The following ADCY8 variants were observed in gnomAD, a reference collection of about 807,000 sequenced individuals.
ADCY8 encodes the protein adenylate cyclase type 8.
In ADCY8, 51 loss-of-function variants were observed where a neutral mutation model predicts 119.7. The observed-to-expected ratio is 0.43, with a 90% CI of 0.34 to 0.54. The LOEUF (loss-of-function observed/expected upper bound fraction) is 0.54, where lower values mean the gene tolerates loss of function less well. ADCY8 is among the 20% of genes least tolerant of loss of function. The probability of loss-of-function intolerance (pLI) is 0.03; values close to 1 mark genes in which losing one functional copy is unlikely to be tolerated. For missense variants in ADCY8, 1,383 were observed against 1,598.8 expected (o/e 0.87, Z 2.30); for synonymous variants, 665 against 651.0 (o/e 1.02, Z -0.33).
chr8:130,859,373 C>T (rs959738348), intron 9 of ADCY8, among the ~76,000 whole-genome samples: 3 of 152,202 alleles, frequency 2.0e-5, no homozygotes, highest in Non-Finnish European at 4.4e-5. Flanking sequence ...CATCTGCCAT[C>T]CACTTACACA....
intron 4 of ADCY8, among the ~76,000 whole-genome samples, chr8:130,938,859 A>G (rs917406951): frequency 2.6e-5 from 4 of 152,272 alleles, no homozygotes; most frequent in East Asian, 1.9e-4. Context: ...GCTCCTGTCT[A>G]TTGGCTGCTT....
chr8:130,848,847 C>T (rs372879895), intron 10 of ADCY8, among the ~76,000 whole-genome samples: 5 of 152,166 alleles, frequency 3.3e-5, no homozygotes, highest in East Asian at 1.9e-4. Context: ...GAAACCATGA[C>T]AATGTGGGTC....
At chr8:130,891,823 T>C (rs1268897398) in intron 7 of ADCY8, among the ~76,000 whole-genome samples, 1 of 151,998 alleles carries the variant, frequency 6.6e-6, no homozygotes, top group Non-Finnish European at 1.5e-5. Flanking sequence ...CTTATGGGAG[T>C]GGAGGTGCTA....
At chr8:130,919,960 A>G (rs1176328447) in intron 5 of ADCY8, among the ~76,000 whole-genome samples, 1 of 151,926 alleles carries the variant, frequency 6.6e-6, no homozygotes, top group Admixed American at 6.6e-5. Flanking sequence ...TCAGGAAGAA[A>G]CTGAGATTCA....
chr8:130,872,319 TAAAG>T (rs2130414060), intron 8 of ADCY8, among the ~76,000 whole-genome samples: 1 of 152,318 alleles, frequency 6.6e-6, no homozygotes, highest in East Asian at 1.9e-4. Context: ...ACTTTGTAGA[TAAAG>T]AAACTGAGGG....
intron 14 of ADCY8, among the ~76,000 whole-genome samples, chr8:130,810,347 T>TCCACACACACAC: frequency 7.0e-6 from 1 of 142,654 alleles, no homozygotes; most frequent in Non-Finnish European, 1.5e-5. Flanking sequence ...TCTCTTTTTC[T>TCCACACACACAC]ACACACACAC....
At position 130,951,776 on chromosome 8, in the gene ADCY8, T is replaced by C. The variant is rs1313286732; in HGVS notation, c.1241+92A>G. On this transcript the variant is annotated intron_variant, in intron 3 of 17. Transcript: ENST00000286355. ...AACCAGATGAGGAAAGGTGCTGACATTCAAGCAGACGGAAGTCACGGAAGT... is the reference window on the plus strand; with the variant it reads ...AACCAGATGAGGAAAGGTGCTGACACTCAAGCAGACGGAAGTCACGGAAGT... 1.2e-5 allele frequency: 18 copies of C among 1,514,312 alleles called. No homozygotes were observed. The Admixed American group carries it at 1.3e-4, about 11-fold the overall frequency. 93.8% of individuals were successfully genotyped at this position (1,514,312 alleles called of 1,614,324 possible).
intron 5 of ADCY8, among the ~76,000 whole-genome samples, chr8:130,920,251 C>T (rs1820260058): frequency 6.6e-6 from 1 of 151,924 alleles, no homozygotes; most frequent in Non-Finnish European, 1.5e-5. Context: ...GGCCTCTTCC[C>T]AGAAGTGTCA....
intron 5 of ADCY8, among the ~76,000 whole-genome samples, chr8:130,910,819 G>T (rs1192699975): frequency 1.3e-5 from 2 of 152,208 alleles, no homozygotes; most frequent in South Asian, 2.1e-4. Context: ...CTGTAGTCAT[G>T]AGCGTTCTTT....
chr8:130,918,505 T>A (rs1820198274), intron 5 of ADCY8, among the ~76,000 whole-genome samples: 7 of 152,206 alleles, frequency 4.6e-5, no homozygotes. Context: ...GAGTAAAACC[T>A]ATTTTTTTAA....
intron 14 of ADCY8, among the ~76,000 whole-genome samples, chr8:130,803,249 T>C (rs1815838611): frequency 6.6e-6 from 1 of 152,222 alleles, no homozygotes; most frequent in South Asian, 2.1e-4. Flanking sequence ...TCTTGTTTTC[T>C]GCCTCCGCTA....
At chr8:131,014,850 T>C (rs991914771) in intron 1 of ADCY8, among the ~76,000 whole-genome samples, 1 of 152,246 alleles carries the variant, frequency 6.6e-6, no homozygotes, top group African/African-American at 2.4e-5. Context: ...GCTGTTACTA[T>C]CAATGGTAAT....
At chr8:130,881,186 G>C (rs1019053121) in intron 8 of ADCY8, among the ~76,000 whole-genome samples, 2 of 152,118 alleles carry the variant, frequency 1.3e-5, no homozygotes, top group Non-Finnish European at 2.9e-5. Flanking sequence ...ACAGCTACAG[G>C]GGGTGAGGCA....
chr8:130,888,972 C>G (rs1819088368), intron 7 of ADCY8, among the ~76,000 whole-genome samples: 2 of 152,188 alleles, frequency 1.3e-5, no homozygotes, highest in South Asian at 4.1e-4. Context: ...TTTGTTGAGT[C>G]AAAACCATTT....
chr8:130,968,448 G>T (rs1470452279), intron 2 of ADCY8, among the ~76,000 whole-genome samples: 1 of 152,162 alleles, frequency 6.6e-6, no homozygotes, highest in Non-Finnish European at 1.5e-5. Flanking sequence ...TGGGATTACA[G>T]GCGTGAGCCA....
intron 9 of ADCY8, among the ~76,000 whole-genome samples, chr8:130,858,914 G>GTGTA (rs746051249): frequency 3.4e-3 from 195 of 57,724 alleles, no homozygotes; most frequent in African/African-American, 0.016. Flanking sequence ...GTGTGTGTGT[G>GTGTA]TGTGTGTGTG....
chr8:131,005,516 C>G (rs905842846), intron 1 of ADCY8, among the ~76,000 whole-genome samples: 1 of 152,204 alleles, frequency 6.6e-6, no homozygotes, highest in Non-Finnish European at 1.5e-5. Flanking sequence ...GCTGGCTATT[C>G]TCCTTTGGCC....
intron 14 of ADCY8, among the ~76,000 whole-genome samples, chr8:130,804,834 C>T (rs913853599): frequency 6.6e-6 from 1 of 152,184 alleles, no homozygotes; most frequent in Non-Finnish European, 1.5e-5. Flanking sequence ...GCAACCTCCA[C>T]CTCCTGGGTT....
intron 3 of ADCY8, among the ~76,000 whole-genome samples, chr8:130,951,514 G>C (rs1380234650): frequency 6.6e-6 from 1 of 152,138 alleles, no homozygotes; most frequent in African/African-American, 2.4e-5. Context: ...ATATAAGGAG[G>C]GGATGTATGT....
Sources: allele counts gnomAD v4.1 joint callset (sites outside exome capture counted in the v4.1 genomes callset), GRCh38; gene constraint gnomAD v4.1.1; transcripts MANE v1.5; gene names NCBI Gene and HGNC (gene_info 2026-07-23, HGNC 2026-07-21).